The following HMBOX1 variants were observed in gnomAD, a reference collection of about 807,000 sequenced individuals.
The protein encoded by HMBOX1 is homeobox containing 1.
In HMBOX1, 14 loss-of-function variants were observed where a neutral mutation model predicts 54.5. The observed-to-expected ratio is 0.26, with a 90% CI of 0.17 to 0.40. The LOEUF (loss-of-function observed/expected upper bound fraction) is 0.40. HMBOX1 is among the 10% of genes least tolerant of loss of function. HMBOX1 has a pLI of 1.00. For synonymous variants in HMBOX1, 160 were observed against 181.0 expected (o/e 0.88, Z 0.93); for missense variants, 332 against 514.4 (o/e 0.65, Z 3.43).
chr8:28,899,057 G>C (rs1812708471), intron 1 of HMBOX1, among the ~76,000 whole-genome samples: 1 of 152,208 alleles, frequency 6.6e-6, no homozygotes, highest in Non-Finnish European at 1.5e-5. Flanking sequence ...GCAAGGATCA[G>C]TTTGCTGGAA....
chr8:28,961,918 T>C (rs1418507223), intron 1 of HMBOX1, among the ~76,000 whole-genome samples: 28 of 93,952 alleles, frequency 3.0e-4, no homozygotes, highest in Non-Finnish European at 6.1e-4. Flanking sequence ...TTTTTCTTTT[T>C]TCTTTTTTTT....
chr8:28,962,799 T>C (rs1232471465), intron 1 of HMBOX1, among the ~76,000 whole-genome samples: 1 of 152,180 alleles, frequency 6.6e-6, no homozygotes, highest in Non-Finnish European at 1.5e-5. Context: ...CGTTGTATTT[T>C]TGGTCTTTTT....
intron 6 of HMBOX1, among the ~76,000 whole-genome samples, chr8:29,041,739 G>C (rs1804852043): frequency 6.6e-6 from 1 of 152,130 alleles, no homozygotes; most frequent in Non-Finnish European, 1.5e-5. Flanking sequence ...AGAGATGCAA[G>C]GAGTTTACAG....
chr8:28,951,235 C>T (rs1823363845), intron 1 of HMBOX1, among the ~76,000 whole-genome samples: 1 of 152,188 alleles, frequency 6.6e-6, no homozygotes, highest in Non-Finnish European at 1.5e-5. Context: ...TGGGTTCAAG[C>T]GATTCTCCTA....
intron 6 of HMBOX1, among the ~76,000 whole-genome samples, chr8:29,019,136 AAT>A (rs1337441853): frequency 6.6e-6 from 1 of 152,186 alleles, no homozygotes; most frequent in East Asian, 1.9e-4. Flanking sequence ...TTTTACTTAT[AAT>A]AGTGTCCCCA....
chr8:28,892,972 A>C (rs1486838152), intron 1 of HMBOX1, among the ~76,000 whole-genome samples: 1 of 152,212 alleles, frequency 6.6e-6, no homozygotes, highest in Non-Finnish European at 1.5e-5. Context: ...TTTTTTAAAA[A>C]ATGTTTAATA....
At chr8:28,926,304 T>TACACACACACACACACACAC (rs10699056) in intron 1 of HMBOX1, among the ~76,000 whole-genome samples, 1 of 142,138 alleles carries the variant, frequency 7.0e-6, no homozygotes, top group African/African-American at 2.6e-5. Flanking sequence ...TATATATATA[T>TACACACACACACACACACAC]ACACACACAC....
chr8:28,944,806 G>C (rs1005312661), intron 1 of HMBOX1, among the ~76,000 whole-genome samples: 1 of 152,068 alleles, frequency 6.6e-6, no homozygotes, highest in Non-Finnish European at 1.5e-5. Flanking sequence ...TTCTCAAATG[G>C]TAATTTATTC....
chr8:28,898,920 A>G (rs1812679005), intron 1 of HMBOX1, among the ~76,000 whole-genome samples: 1 of 152,120 alleles, frequency 6.6e-6, no homozygotes, highest in Non-Finnish European at 1.5e-5. Context: ...AAGCTTTTAG[A>G]TGCTTTTTAT....
chr8:29,005,404 T>G (rs1019357478), intron 4 of HMBOX1, among the ~76,000 whole-genome samples: 1 of 152,228 alleles, frequency 6.6e-6, no homozygotes, highest in Non-Finnish European at 1.5e-5. Context: ...TATATATCTT[T>G]AGTTATATAT....
intron 1 of HMBOX1, among the ~76,000 whole-genome samples, chr8:28,919,047 T>A (rs1817082829): frequency 6.6e-6 from 1 of 152,230 alleles, no homozygotes; most frequent in African/African-American, 2.4e-5. Flanking sequence ...GAGAGGAAAG[T>A]GACAGAATAT....
chr8:28,951,394 G>C (rs1823392667), intron 1 of HMBOX1, among the ~76,000 whole-genome samples: 1 of 152,160 alleles, frequency 6.6e-6, no homozygotes, highest in Non-Finnish European at 1.5e-5. Context: ...GCCTCCCAAA[G>C]TGCTGGGATT....
At position 28,923,256 on chromosome 8, in the gene HMBOX1, A is replaced by T. The variant is rs560460512; in HGVS notation, c.-58+32578A>T. Among the ~76,000 whole-genome samples, 4 of 152,308 alleles carry T rather than the reference A, an allele frequency of 2.6e-5. No individual in the cohort carries two copies. The South Asian group carries it at 8.3e-4, about 32-fold the overall frequency. On this transcript the variant is annotated intron_variant, in intron 1 of 9. Transcript: ENST00000287701. ...TGGATTTGCCTGTTCTGGACATTTC[A>T]TATAAACAGAATCACGCAGTATACT...
intron 1 of HMBOX1, among the ~76,000 whole-genome samples, chr8:28,935,943 A>C (rs1820332498): frequency 6.6e-6 from 1 of 152,040 alleles, no homozygotes; most frequent in Admixed American, 6.6e-5. Flanking sequence ...TTTTTTGTAA[A>C]ATGGTAATAC....
rs953905330 is a variant in HMBOX1, at chr8:29,009,068, A to G, written c.587-4A>G. The G allele has an allele frequency of 4.4e-6, 7 of 1,607,746 alleles. No individual in the cohort carries two copies. The highest frequency in any genetic ancestry group is 1.3e-5 in the African/African-American group (1 of 74,882). On this transcript the variant is annotated splice_region_variant and splice_polypyrimidine_tract_variant and intron_variant, in intron 4 of 9. Coordinates refer to ENST00000287701, the MANE Select transcript of HMBOX1 (RefSeq NM_001135726.3). The stretch of plus-strand genomic sequence containing the variant: ...CCCCAAAACCTATTTCTCTTTCTAC[A>G]TAGGTATCAGTCAGAGCCGGATCTC...
At chr8:29,047,149 T>A (rs1297334908) in intron 7 of HMBOX1, among the ~76,000 whole-genome samples, 5 of 152,246 alleles carry the variant, frequency 3.3e-5, no homozygotes, top group Non-Finnish European at 7.3e-5. Flanking sequence ...TGTTACTAGT[T>A]GTTGTTTTTG....
intron 6 of HMBOX1, among the ~76,000 whole-genome samples, chr8:29,034,508 AAT>A (rs1436871523): frequency 5.3e-5 from 8 of 152,220 alleles, no homozygotes; most frequent in African/African-American, 1.9e-4. Context: ...TGTCAGTATT[AAT>A]ATAAGTAGCA....
At chr8:29,004,657 A>G (rs922829421) in intron 4 of HMBOX1, among the ~76,000 whole-genome samples, 4 of 152,156 alleles carry the variant, frequency 2.6e-5, no homozygotes, top group African/African-American at 9.7e-5. Flanking sequence ...TAGTCTCTCA[A>G]TGTGTGAAGG....
chr8:28,997,093 G>C (rs887578307), intron 4 of HMBOX1, among the ~76,000 whole-genome samples: 5 of 152,004 alleles, frequency 3.3e-5, no homozygotes, highest in African/African-American at 1.2e-4. Flanking sequence ...CAATCTGGAT[G>C]CCTTTTCTTT....
Sources: allele counts gnomAD v4.1 joint callset (sites outside exome capture counted in the v4.1 genomes callset), GRCh38; gene constraint gnomAD v4.1.1; transcripts MANE v1.5; gene names NCBI Gene and HGNC (gene_info 2026-07-23, HGNC 2026-07-21).